PRKCZ: variants seen among roughly 807,000 people sequenced by gnomAD.
PRKCZ encodes the protein protein kinase C zeta.
In PRKCZ, 33 loss-of-function variants were observed where a neutral mutation model predicts 79.5. The ratio of observed to expected loss-of-function variants is 0.41; its 90% CI spans 0.31 to 0.55. PRKCZ has a LOEUF of 0.55. Ranked by LOEUF, PRKCZ falls within the 20% of genes least tolerant of loss-of-function variation. The pLI, the probability that PRKCZ is intolerant of heterozygous loss-of-function variation, is 0.19. For synonymous variants in PRKCZ, 342 were observed against 320.9 expected (o/e 1.07, Z -0.70); for missense variants, 578 against 813.5 (o/e 0.71, Z 3.52).
intron 10 of PRKCZ, among the ~76,000 whole-genome samples, chr1:2,156,879 G>A (rs956015285): frequency 5.9e-5 from 9 of 152,200 alleles, no homozygotes; most frequent in Admixed American, 3.3e-4. Context: ...TCAGCATTGC[G>A]TTAGTCAGGG....
chr1:2,118,290 C>T (rs573137173), intron 4 of PRKCZ, among the ~76,000 whole-genome samples: 1 of 151,202 alleles, frequency 6.6e-6, no homozygotes, highest in East Asian at 1.9e-4. Context: ...AGCCACCATG[C>T]CTGGCCATAT....
intron 4 of PRKCZ, among the ~76,000 whole-genome samples, chr1:2,095,925 T>TTCCCCTCTCC (rs1434653142): frequency 1.0e-5 from 1 of 96,144 alleles, no homozygotes. Flanking sequence ...CTCCCCTCCC[T>TTCCCCTCTCC]TCCCCTCTCC....
chr1:2,054,960 T>C (rs2803308), intron 1 of PRKCZ, among the ~76,000 whole-genome samples: 4 of 149,760 alleles, frequency 2.7e-5, no homozygotes, highest in South Asian at 4.3e-4. Flanking sequence ...TTTTTTTTTT[T>C]AATACGGAGT....
At chr1:2,072,053 C>T (rs1661645852) in intron 4 of PRKCZ, among the ~76,000 whole-genome samples, 1 of 152,238 alleles carries the variant, frequency 6.6e-6, no homozygotes, top group East Asian at 1.9e-4. Flanking sequence ...GAGCACTAGG[C>T]AGTGTAGGTT....
At chr1:2,066,600 C>T (rs539110337) in intron 4 of PRKCZ, among the ~76,000 whole-genome samples, 30 of 152,356 alleles carry the variant, frequency 2.0e-4, no homozygotes, top group Admixed American at 1.8e-3. Flanking sequence ...CCTTGGCTTC[C>T]CAACGTGTAG....
chr1:2,131,461 C>T (rs1330919361), intron 4 of PRKCZ, among the ~76,000 whole-genome samples: 1 of 152,196 alleles, frequency 6.6e-6, no homozygotes, highest in East Asian at 1.9e-4. Context: ...AAGTTCAAAA[C>T]CAACCCTTAA....
At chr1:2,077,651 G>A (rs963465770) in intron 4 of PRKCZ, among the ~76,000 whole-genome samples, 2 of 152,190 alleles carry the variant, frequency 1.3e-5, no homozygotes, top group Admixed American at 6.5e-5. Flanking sequence ...GACTCACAAA[G>A]AGAGAACAGG....
chr1:2,137,857 C>G (rs1423756186), intron 5 of PRKCZ, among the ~76,000 whole-genome samples: 1 of 152,208 alleles, frequency 6.6e-6, no homozygotes, highest in Admixed American at 6.5e-5. Flanking sequence ...CACAGCCCCG[C>G]TCTGCTGTGG....
chr1:2,139,006 A>G (rs1178830629), intron 5 of PRKCZ, among the ~76,000 whole-genome samples: 1 of 152,244 alleles, frequency 6.6e-6, no homozygotes, highest in Non-Finnish European at 1.5e-5. Context: ...CTTTAGACTC[A>G]GCCACACAGA....
chr1:2,132,320 G>A (rs1052999706), intron 4 of PRKCZ, among the ~76,000 whole-genome samples: 1 of 152,212 alleles, frequency 6.6e-6, no homozygotes, highest in Non-Finnish European at 1.5e-5. Flanking sequence ...AGACCTTGAG[G>A]TCATCAGACA....
rs1679356819 is a variant in PRKCZ, at chr1:2,149,277, G to C, written c.687+353G>C. Among the ~76,000 whole-genome samples the C allele has an allele frequency of 6.6e-6, 1 of 152,220 alleles. No individual in the cohort carries two copies. Among genetic ancestry groups the C allele is most frequent in the South Asian group, 2.1e-4 (1 of 4,828 alleles). On this transcript the variant is annotated intron_variant, in intron 8 of 17. Transcript: ENST00000378567. This position sits in a 1 kb window ranked among gnomAD's most constrained non-coding sequence, Gnocchi z 4.1. ...GTGTCTGCACCATGCCTTCCGAATT[G>C]TGTTGCCTCATTTGGCCATCCTGGC...
chr1:2,067,614 C>T (rs1408874903), intron 4 of PRKCZ, among the ~76,000 whole-genome samples: 1 of 152,144 alleles, frequency 6.6e-6, no homozygotes, highest in Non-Finnish European at 1.5e-5. Context: ...TGCCGGGCTG[C>T]CCAGGGCCCA....
chr1:2,051,982 T>C (rs4648795), intron 1 of PRKCZ, among the ~76,000 whole-genome samples: 91,936 of 151,952 alleles, frequency 0.61, 28,046 homozygotes, highest in East Asian at 0.84. Context: ...CAGCCCTACC[T>C]GAAGAGGTAG....
chr1:2,121,658 G>A (rs71511328), intron 4 of PRKCZ, among the ~76,000 whole-genome samples: 1,614 of 14,676 alleles, frequency 0.11, 463 homozygotes, highest in African/African-American at 0.41. Context: ...TCACGGTGGT[G>A]GTTAGGGTCG....
intron 4 of PRKCZ, among the ~76,000 whole-genome samples, chr1:2,070,662 G>A (rs963122647): frequency 6.6e-6 from 1 of 152,090 alleles, no homozygotes; most frequent in African/African-American, 2.4e-5. Flanking sequence ...AGCAGGGGAA[G>A]GGGCTGCAGC....
At chr1:2,112,690 G>GGTT (rs1333701992) in intron 4 of PRKCZ, among the ~76,000 whole-genome samples, 4 of 25,234 alleles carry the variant, frequency 1.6e-4, no homozygotes, top group African/African-American at 5.2e-4. Context: ...TTGGTTGGTT[G>GGTT]GTTTTTTTTT....
chr1:2,132,527 C>G (rs1675197845), intron 4 of PRKCZ, among the ~76,000 whole-genome samples: 1 of 152,180 alleles, frequency 6.6e-6, no homozygotes, highest in Non-Finnish European at 1.5e-5. Context: ...GTGCCGACCC[C>G]GCAGTGTAGG....
rs199586416 is a variant in PRKCZ at position 2,056,453 on chromosome 1, C to T, written c.194-31C>T. The T allele has an allele frequency of 2.5e-4, 401 of 1,597,128 alleles. 3 individuals are homozygous for T. Among genetic ancestry groups the T allele is most frequent in the Middle Eastern group, 8.9e-4 (5 of 5,628 alleles). On this transcript the variant is annotated intron_variant, in intron 2 of 17. Coordinates refer to ENST00000378567, the MANE Select transcript of PRKCZ (RefSeq NM_002744.6). ...AGCCCCCTTTGCCTCGGGCCTTCGG[C>T]GACGTCAGCACCGTCTCCTGCCCCA...
chr1:2,181,881 G>T (rs887014280), intron 16 of PRKCZ: 1 of 456,384 alleles, frequency 2.2e-6, no homozygotes, highest in Non-Finnish European at 4.4e-6. Context: ...GGGGCATCTT[G>T]TGTCCCCACA....
Sources: allele counts gnomAD v4.1 joint callset (sites outside exome capture counted in the v4.1 genomes callset), GRCh38; gene constraint gnomAD v4.1.1; non-coding constraint Gnocchi (gnomAD v3.1); transcripts MANE v1.5; gene names NCBI Gene and HGNC (gene_info 2026-07-23, HGNC 2026-07-21).